The following ACOXL variants were observed in gnomAD, a reference collection of about 807,000 sequenced individuals.
The protein encoded by ACOXL is acyl-CoA oxidase like, also known as acyl-coenzyme A oxidase-like protein.
In ACOXL, 70 loss-of-function variants were observed where a neutral mutation model predicts 71.9. The ratio of observed to expected loss-of-function variants is 0.97; its 90% CI spans 0.80 to 1.19. The LOEUF (loss-of-function observed/expected upper bound fraction) is 1.19. ACOXL is among the 50% of genes most tolerant of loss of function. ACOXL has a pLI of 0.00. For missense variants in ACOXL, 703 were observed against 736.3 expected, an observed-to-expected ratio of 0.95 and a Z score of 0.52; for synonymous variants, 253 against 281.6, an observed-to-expected ratio of 0.90 and a Z score of 1.02.
At position 110,878,134 on chromosome 2, in the gene ACOXL, G is replaced by A. The variant is rs117535968; in HGVS notation, c.789-30655G>A. ...GTCTGTGAATAAAACAATAAAAGCC[G>A]TGGGTTTTATGAACAGTTTCAGTTT... On this transcript the variant is annotated intron_variant, in intron 10 of 17. Coordinates refer to ENST00000439055, the MANE Select transcript of ACOXL (RefSeq NM_001142807.4). 3.3e-4 allele frequency among the ~76,000 whole-genome samples: 51 copies of A among 152,310 alleles called. No homozygotes were observed. In the East Asian group the frequency reaches 5.4e-3, roughly 16 times the overall value.
intron 11 of ACOXL, among the ~76,000 whole-genome samples, chr2:110,924,584 C>T (rs1168696445): frequency 6.6e-6 from 1 of 152,156 alleles, no homozygotes; most frequent in African/African-American, 2.4e-5. Flanking sequence ...AGCAACTCCT[C>T]ATCTGTGAAA....
chr2:111,109,226 C>T (rs2069768481), intron 17 of ACOXL, among the ~76,000 whole-genome samples: 1 of 152,176 alleles, frequency 6.6e-6, no homozygotes, highest in African/African-American at 2.4e-5. Context: ...AATGTTTATT[C>T]TCCTATTAAT....
At position 110,846,641 on chromosome 2, in the gene ACOXL, G is replaced by GCGCGCGCGCACACACACA. The variant is rs148602789; in HGVS notation, c.788+5237_788+5238insGCGCGCGCACACACACAC. 2.2e-5 allele frequency among the ~76,000 whole-genome samples: 3 copies of GCGCGCGCGCACACACACA among 138,034 alleles called. No homozygotes were observed. In the South Asian group the frequency reaches 7.7e-4, roughly 36 times the overall value. 90.6% of individuals were successfully genotyped at this position (138,034 alleles called of 152,430 possible). On this transcript the variant is annotated intron_variant, in intron 10 of 17. Transcript: ENST00000439055. ...TGTGAGCATGCAAGTATGCATACAC[G>GCGCGCGCGCACACACACA]CACACACACACACACACACACACAC... is the stretch of plus-strand genomic sequence containing the variant.
intron 12 of ACOXL, chr2:110,968,786 A>AAAAAG: frequency 2.2e-6 from 1 of 448,276 alleles, no homozygotes; most frequent in Non-Finnish European, 3.9e-6. Context: ...AGCAAAAAAA[A>AAAAAG]AAAAAAAGAA....
intron 14 of ACOXL, among the ~76,000 whole-genome samples, chr2:111,021,190 G>A (rs1402032063): frequency 6.6e-6 from 1 of 152,148 alleles, no homozygotes; most frequent in Non-Finnish European, 1.5e-5. Context: ...GAGTGGGCCA[G>A]TGGAGGAAAG....
chr2:110,751,937 A>T (rs928120108), intron 1 of ACOXL, among the ~76,000 whole-genome samples: 5 of 152,256 alleles, frequency 3.3e-5, no homozygotes, highest in Non-Finnish European at 7.3e-5. Flanking sequence ...GATGACTCTT[A>T]ATTAGCCATT....
intron 14 of ACOXL, among the ~76,000 whole-genome samples, chr2:111,004,499 T>C (rs921275714): frequency 3.3e-5 from 5 of 152,158 alleles, no homozygotes; most frequent in African/African-American, 1.2e-4. Context: ...TCACTTAAAA[T>C]GGAGCCAGGA....
chr2:110,831,382 T>C (rs928016632), intron 9 of ACOXL, among the ~76,000 whole-genome samples: 7 of 152,266 alleles, frequency 4.6e-5, no homozygotes, highest in African/African-American at 1.4e-4. Flanking sequence ...AAAATACATA[T>C]AATGAACTCT....
chr2:110,877,387 G>A (rs59681572), intron 10 of ACOXL, among the ~76,000 whole-genome samples: 8 of 152,286 alleles, frequency 5.3e-5, no homozygotes, highest in African/African-American at 1.7e-4. Context: ...CTTCTGCTGC[G>A]GCCCGTGTGC....
intron 11 of ACOXL, among the ~76,000 whole-genome samples, chr2:110,921,615 A>G (rs1157340535): frequency 1.3e-5 from 2 of 151,768 alleles, no homozygotes; most frequent in Non-Finnish European, 2.9e-5. Flanking sequence ...GGATGGTCTC[A>G]ATCTCCTGAC....
intron 14 of ACOXL, among the ~76,000 whole-genome samples, chr2:111,010,682 CTTAAAAG>C (rs2064109306): frequency 6.6e-6 from 1 of 151,980 alleles, no homozygotes; most frequent in African/African-American, 2.4e-5. Context: ...AAGAATAAAT[CTTAAAAG>C]TTAGAAGAGA....
chr2:110,862,672 C>T (rs527306939), intron 10 of ACOXL, among the ~76,000 whole-genome samples: 5 of 152,310 alleles, frequency 3.3e-5, no homozygotes, highest in African/African-American at 9.6e-5. Context: ...TTAAATTTGG[C>T]GCAAATGGCT....
chr2:111,012,904 C>T (rs372440619), intron 14 of ACOXL, among the ~76,000 whole-genome samples: 3 of 151,790 alleles, frequency 2.0e-5, no homozygotes, highest in Admixed American at 1.3e-4. Context: ...GAAGCTAGAA[C>T]AAGAAGAGCA....
chr2:111,108,998 G>A lies in ACOXL; in HGVS notation c.1543-8618G>A, dbSNP rs78525068. 2.3e-3 allele frequency among the ~76,000 whole-genome samples: 353 copies of A among 151,832 alleles called. 3 individuals are homozygous for A. Among genetic ancestry groups the A allele is most frequent in the African/African-American group, 8.0e-3 (329 of 41,378 alleles). ...TTGCTGAGTAGTATTTCATTGTATC[G>A]GCTCAGCCCATCTGTCCTCCCAAAT... On this transcript the variant is annotated intron_variant, in intron 17 of 17. Transcript: ENST00000439055.
chr2:110,905,690 C>T (rs781172042), intron 10 of ACOXL, among the ~76,000 whole-genome samples: 5 of 152,130 alleles, frequency 3.3e-5, no homozygotes, highest in Non-Finnish European at 7.3e-5. Flanking sequence ...CTCTGGCGTC[C>T]TCAGGGGATA....
chr2:110,817,562 G>T (rs993429782), intron 9 of ACOXL, among the ~76,000 whole-genome samples: 1 of 152,178 alleles, frequency 6.6e-6, no homozygotes, highest in African/African-American at 2.4e-5. Context: ...TGCTTCCTCT[G>T]ATCTTTGGGC....
chr2:110,804,453 A>C (rs1686382568), intron 8 of ACOXL, among the ~76,000 whole-genome samples: 1 of 152,234 alleles, frequency 6.6e-6, no homozygotes, highest in South Asian at 2.1e-4. Context: ...ATGACCCAGC[A>C]ATTCTACTCC....
At chr2:111,035,162 G>A (rs1364656877) in intron 15 of ACOXL, among the ~76,000 whole-genome samples, 6 of 152,000 alleles carry the variant, frequency 3.9e-5, no homozygotes, top group African/African-American at 7.3e-5. Flanking sequence ...CACCGTCCCC[G>A]GCCTAAAGCA....
chr2:110,956,021 C>T (rs1043877921), intron 12 of ACOXL, among the ~76,000 whole-genome samples: 2 of 143,872 alleles, frequency 1.4e-5, no homozygotes, highest in Non-Finnish European at 3.0e-5. Context: ...TCACTGCTAT[C>T]TCTGCCTCCC....
Sources: allele counts gnomAD v4.1 joint callset (sites outside exome capture counted in the v4.1 genomes callset), GRCh38; gene constraint gnomAD v4.1.1; transcripts MANE v1.5; gene names NCBI Gene and HGNC (gene_info 2026-07-23, HGNC 2026-07-21).